Variants in XPO4 observed in about 807,000 individuals in gnomAD.
XPO4 encodes exportin 4.
XPO4 carries 39 observed loss-of-function variants against 143.0 expected under a neutral mutation model. The ratio of observed to expected loss-of-function variants is 0.27; its 90% CI spans 0.21 to 0.36. The LOEUF (loss-of-function observed/expected upper bound fraction) is 0.36. Among genes scored for constraint, XPO4 ranks in the 10% least tolerant of loss-of-function variants. The pLI is 1.00. For synonymous variants in XPO4, 439 were observed against 474.0 expected (o/e 0.93, Z 0.96); for missense variants, 907 against 1,348.0 (o/e 0.67, Z 5.12).
chr13:20,817,570 T>C (rs2059665591), intron 9 of XPO4, among the ~76,000 whole-genome samples: 1 of 152,152 alleles, frequency 6.6e-6, no homozygotes, highest in African/African-American at 2.4e-5. Flanking sequence ...ATATACAAAA[T>C]ACCTCAATGC....
At chr13:20,846,799 A>T (rs1430178978) in intron 4 of XPO4, among the ~76,000 whole-genome samples, 1 of 152,150 alleles carries the variant, frequency 6.6e-6, no homozygotes, top group African/African-American at 2.4e-5. Flanking sequence ...CATTGATATA[A>T]ACCCAAATAT....
At chr13:20,843,300 C>A (rs1166988496) in intron 5 of XPO4, among the ~76,000 whole-genome samples, 2 of 152,176 alleles carry the variant, frequency 1.3e-5, no homozygotes, top group Non-Finnish European at 2.9e-5. Context: ...ACAACTACTG[C>A]GGAGCCAGAG....
chr13:20,820,363 C>CGT (rs1475183032), intron 9 of XPO4, among the ~76,000 whole-genome samples: 1 of 152,156 alleles, frequency 6.6e-6, no homozygotes, highest in Non-Finnish European at 1.5e-5. Flanking sequence ...TTCTTTAAAA[C>CGT]GTTTAGGAAC....
chr13:20,882,835 C>T (rs2060425212), intron 1 of XPO4, among the ~76,000 whole-genome samples: 1 of 150,408 alleles, frequency 6.6e-6, no homozygotes, highest in African/African-American at 2.5e-5. Flanking sequence ...TGCAGTGAGC[C>T]GAGATGGAGC....
At position 20,810,116 on chromosome 13, in the gene XPO4, T is replaced by TAAG. The variant is rs2059559301; in HGVS notation, c.1174-150_1174-149insCTT. 4 of 508,826 alleles carry TAAG rather than the reference T, an allele frequency of 7.9e-6. No individual in the cohort carries two copies. In the South Asian group the frequency reaches 2.3e-4, roughly 30 times the overall value. The allele number at this position is 508,826 out of a possible 1,614,324, so 31.5% of individuals were successfully genotyped here. A position where few individuals can be genotyped will look rare whatever the true frequency, so the allele number is the denominator to read the frequency against. ...AGTTTTTATTGAACTTTCTAAAATC[T>TAAG]TTCTAAGTTCAAGTAAGTCTTAGGC... On this transcript the variant is annotated intron_variant, in intron 9 of 22. Transcript: ENST00000255305.
chr13:20,808,409 C>T (rs745466329), intron 12 of XPO4, 27 bp downstream of exon 12: 2 of 1,495,804 alleles, frequency 1.3e-6, no homozygotes, highest in South Asian at 2.8e-5. Flanking sequence ...TTGGCAATTA[C>T]ATTTTAAAAA....
intron 6 of XPO4, among the ~76,000 whole-genome samples, chr13:20,835,325 C>G (rs1234959190): frequency 6.6e-6 from 1 of 152,202 alleles, no homozygotes; most frequent in African/African-American, 2.4e-5. Context: ...GCAATTCTAT[C>G]AGTTTAAAAA....
intron 3 of XPO4, among the ~76,000 whole-genome samples, chr13:20,861,338 T>A (rs1055154737): frequency 4.3e-5 from 6 of 140,614 alleles, no homozygotes; most frequent in African/African-American, 1.3e-4. Flanking sequence ...CTCTGCCACC[T>A]AGGCTGGAGT....
At chr13:20,836,012 T>C (rs1439491474) in intron 6 of XPO4, among the ~76,000 whole-genome samples, 1 of 152,214 alleles carries the variant, frequency 6.6e-6, no homozygotes, top group Non-Finnish European at 1.5e-5. Flanking sequence ...ATAGTACATA[T>C]AAAACATAAA....
intron 2 of XPO4, among the ~76,000 whole-genome samples, chr13:20,864,429 A>G (rs541334486): frequency 2.4e-4 from 36 of 152,340 alleles, no homozygotes; most frequent in Admixed American, 1.8e-3. Context: ...CATGGATTTC[A>G]ACAATGAAGC....
intron 1 of XPO4, among the ~76,000 whole-genome samples, chr13:20,880,437 A>G (rs2060397416): frequency 6.6e-6 from 1 of 152,166 alleles, no homozygotes; most frequent in Non-Finnish European, 1.5e-5. Context: ...CGTCTCAAAA[A>G]AAAAAGAAAA....
intron 1 of XPO4, among the ~76,000 whole-genome samples, chr13:20,874,778 A>C (rs2138146304): frequency 6.6e-6 from 1 of 152,304 alleles, no homozygotes; most frequent in Middle Eastern, 3.4e-3. Context: ...TGATCACCTG[A>C]GGTCAGGAGT....
intron 1 of XPO4, among the ~76,000 whole-genome samples, chr13:20,884,036 G>T (rs575161408): frequency 5.3e-5 from 8 of 152,090 alleles, no homozygotes; most frequent in Admixed American, 5.2e-4. Context: ...GAAGTGCTGC[G>T]ATTACAGGCA....
intron 1 of XPO4, among the ~76,000 whole-genome samples, chr13:20,877,337 A>C (rs985223654): frequency 2.0e-5 from 3 of 152,238 alleles, no homozygotes; most frequent in African/African-American, 4.8e-5. Context: ...ACCTAAAATG[A>C]CATTTCCTGG....
chr13:20,851,195 T>TC (rs2060081867), intron 4 of XPO4: 2 of 985,334 alleles, frequency 2.0e-6, no homozygotes, highest in African/African-American at 3.5e-5. Context: ...TGTCTGAACT[T>TC]CATTTTTTAG....
At chr13:20,881,588 C>G (rs1348237419) in intron 1 of XPO4, among the ~76,000 whole-genome samples, 2 of 151,622 alleles carry the variant, frequency 1.3e-5, no homozygotes, top group Non-Finnish European at 2.9e-5. Context: ...TTTTTAAAAG[C>G]AAGATATCAC....
intron 20 of XPO4, among the ~76,000 whole-genome samples, chr13:20,788,180 C>T (rs1329595468): frequency 3.3e-5 from 5 of 151,716 alleles, no homozygotes; most frequent in African/African-American, 1.2e-4. Flanking sequence ...CTCAGCCTCC[C>T]GAGTAGCTAG....
intron 18 of XPO4, among the ~76,000 whole-genome samples, chr13:20,792,723 C>CAA (rs748612077): frequency 0.099 from 9,662 of 97,888 alleles, 646 homozygotes; most frequent in Non-Finnish European, 0.13. Flanking sequence ...CTCTGTCTCA[C>CAA]AAAAAAAAAA....
rs200986662 is a variant in XPO4 at position 20,789,426 on chromosome 13, G to A, written c.2917-810C>T. 2.7e-3 allele frequency among the ~76,000 whole-genome samples: 372 copies of A among 139,306 alleles called. 3 individuals carry two copies. The highest frequency in any genetic ancestry group is 9.7e-3 in the African/African-American group (354 of 36,634). 91.4% of individuals were successfully genotyped at this position (139,306 alleles called of 152,430 possible). A position where few individuals can be genotyped will look rare whatever the true frequency, so the allele number is the denominator to read the frequency against. ...TTTTTTTTTTTTGAGACAGAGTCTCGCTCTGTCACCTAGGCTGCAGTGCAG... is the reference window on the plus strand; with the variant it reads ...TTTTTTTTTTTTGAGACAGAGTCTCACTCTGTCACCTAGGCTGCAGTGCAG... On this transcript the variant is annotated intron_variant, in intron 19 of 22. Transcript: ENST00000255305.
Sources: allele counts gnomAD v4.1 joint callset (sites outside exome capture counted in the v4.1 genomes callset), GRCh38; gene constraint gnomAD v4.1.1; transcripts MANE v1.5; gene names NCBI Gene and HGNC (gene_info 2026-07-23, HGNC 2026-07-21).